The following MYH14 variants were observed in gnomAD, a reference collection of about 807,000 sequenced individuals.
MYH14 encodes myosin heavy chain 14.
MYH14 carries 123 observed loss-of-function variants against 255.5 expected under a neutral mutation model. That is an observed-to-expected ratio of 0.48 (90% CI 0.42 to 0.56). The LOEUF (loss-of-function observed/expected upper bound fraction) is 0.56, where lower values mean the gene tolerates loss of function less well. Among genes scored for constraint, MYH14 ranks in the 20% least tolerant of loss-of-function variants. The pLI is 0.00. For missense variants in MYH14, 2,423 were observed against 2,802.3 expected (o/e 0.86, Z 3.06); for synonymous variants, 1,095 against 1,161.2 (o/e 0.94, Z 1.16).
At chr19:50,256,354 G>A (rs1430844355) in intron 17 of MYH14, among the ~76,000 whole-genome samples, 3 of 152,114 alleles carry the variant, frequency 2.0e-5, no homozygotes, top group East Asian at 1.9e-4. Flanking sequence ...AAGCAGCACC[G>A]CCAAGCGGCA....
Position 50,272,575 on chromosome 19 carries a change from A to G in MYH14, c.3311A>G (p.Glu1104Gly), listed in dbSNP as rs1283494849. 3.2e-6 allele frequency: 5 copies of G among 1,575,768 alleles called. No individual in the cohort carries two copies. The highest frequency in any genetic ancestry group is 2.3e-5 in the South Asian group (2 of 85,634). ...CTGCCTCCAGACCGCCTACGGAAGG[A>G]GGAGAAGGGTCGCCAGGAGCTGGAG... ...IADMEDRLRK[E>G]EKGRQELEKL... Residue 1104 changes from glutamate to glycine, a missense_variant, in exon 27 of 43, where the codon GAG becomes GGG. By Grantham distance (98) the Glu-to-Gly change is moderately conservative. Transcript: ENST00000642316.
At chr19:50,210,794 C>A (rs368377031) in intron 2 of MYH14, 24 bp downstream of exon 2, 1 of 1,541,698 alleles carries the variant, frequency 6.5e-7, no homozygotes, top group African/African-American at 1.4e-5. Context: ...TGCTGGGGGG[C>A]GCGTGCGGCG....
intron 33 of MYH14, 63 bp downstream of exon 33, chr19:50,281,905 T>A: frequency 5.2e-6 from 8 of 1,549,194 alleles, no homozygotes; most frequent in Middle Eastern, 3.4e-4. Context: ...CCCATGGTCG[T>A]TGTGAGGAAC....
chr19:50,261,630 T>A lies in MYH14; in HGVS notation c.2580T>A (p.Ala860=), dbSNP rs1431625201. The A allele has an allele frequency of 2.5e-6, 4 of 1,595,198 alleles. No individual in the cohort carries two copies. The Admixed American group carries it at 6.8e-5, about 27-fold the overall frequency. Residue 860 remains alanine, a synonymous_variant, in exon 21 of 43, where the codon GCT becomes GCA. Transcript: ENST00000642316. ...SFQAAARGYL[A]RRAFQKRQQQ... ...AGGCAGCTGCCCGGGGATACCTGGC[T>A]CGCAGGTGGGCAGCCACGCTGTCTC...
At chr19:50,305,162 G>A (rs79687334) in intron 40 of MYH14, among the ~76,000 whole-genome samples, 1,800 of 152,082 alleles carry the variant, frequency 0.012, 41 homozygotes, top group African/African-American at 0.041. Flanking sequence ...GATCTCTCTG[G>A]GGCTAAGGTG....
intron 24 of MYH14, among the ~76,000 whole-genome samples, chr19:50,271,028 C>G (rs2035280536): frequency 1.3e-5 from 2 of 152,244 alleles, no homozygotes; most frequent in South Asian, 2.1e-4. Context: ...ATCTGTACCC[C>G]TAACCCCCAC....
At chr19:50,287,806 A>G (rs1391564628) in intron 34 of MYH14, among the ~76,000 whole-genome samples, 1 of 152,012 alleles carries the variant, frequency 6.6e-6, no homozygotes, top group South Asian at 2.1e-4. Flanking sequence ...ATGCTCAGAG[A>G]GAGAACACGA....
chr19:50,259,118 C>G, intron 18 of MYH14, 26 bp from the exon 19 acceptor site: 3 of 1,539,286 alleles, frequency 1.9e-6, no homozygotes, highest in Non-Finnish European at 2.6e-6. Flanking sequence ...GCCGCTGACC[C>G]CCGCGTGTCC....
chr19:50,263,913 T>C (rs1249284151), intron 22 of MYH14, among the ~76,000 whole-genome samples: 1 of 151,716 alleles, frequency 6.6e-6, no homozygotes, highest in African/African-American at 2.4e-5. Context: ...AAAAATTAGC[T>C]GGGCATGGTG....
In MYH14 at chr19:50,259,174, G is replaced by A; in HGVS notation, c.2263G>A (p.Asp755Asn). The change falls in exon 19 of 43, where the codon GAC (aspartate) becomes AAC (asparagine). Residue 755 changes from aspartate to asparagine, a missense_variant. By Grantham distance (23) the Asp-to-Asn change is conservative. Transcript: ENST00000642316. The stretch of plus-strand genomic sequence containing the variant: ...GAAGCTGGAGCCACGGCTGGTGCTG[G>A]ACCAGCTTCGCTGCAACGGGGTCCT... ...AGKLEPRLVL[D>N]QLRCNGVLEG... 6.4e-7 allele frequency: 1 copy of A among 1,564,118 alleles called. No homozygotes were observed. Among genetic ancestry groups the A allele is most frequent in the Non-Finnish European group, 8.7e-7 (1 of 1,154,214 alleles).
rs371789450 is a variant in MYH14, at chr19:50,283,059, C to T, written c.4539+1217C>T. On this transcript the variant is annotated intron_variant, in intron 33 of 42. Transcript: ENST00000642316. ...GAAGCTTTATTATTTTTGGCATCTT[C>T]TGGAATTTTATATAAATTATTTTCA... 2.0e-4 allele frequency among the ~76,000 whole-genome samples: 31 copies of T among 152,060 alleles called. 1 individual carries two copies. In the South Asian group the frequency reaches 4.4e-3, roughly 21 times the overall value.
At chr19:50,236,034 T>TAA (rs34909309) in intron 10 of MYH14, among the ~76,000 whole-genome samples, 52,014 of 149,732 alleles carry the variant, frequency 0.35, 9,111 homozygotes, top group South Asian at 0.45. Flanking sequence ...TTGGAACAAT[T>TAA]AAAAAAAAAA....
rs770759400 is a variant in MYH14, at chr19:50,210,762, C to G, written c.397C>G (p.Leu133Val). ...CCTCCGGGAGCGGTACTACTCCGGCCTCATCTACGTGAGTGGGCTCCTGCT... is the reference window on the plus strand; with the variant it reads ...CCTCCGGGAGCGGTACTACTCCGGCGTCATCTACGTGAGTGGGCTCCTGCT... Reference protein sequence around the residue: ...HNLRERYYSGLIYTYSGLFCV... With the variant: ...HNLRERYYSGVIYTYSGLFCV... The change falls in exon 2 of 43, where the codon CTC (leucine) becomes GTC (valine). Residue 133 changes from leucine (L) to valine (V), a missense_variant. Leu to Val is a conservative substitution (Grantham distance 32). Around this residue, in one of 3 missense-constraint regions of MYH14, gnomAD observed 238 missense variants for 245.8 expected, o/e 0.97. Transcript: ENST00000642316. The G allele has an allele frequency of 5.7e-6, 9 of 1,572,190 alleles. No individual in the cohort carries two copies. Among genetic ancestry groups the G allele is most frequent in the Admixed American group, 1.9e-5 (1 of 53,474 alleles).
chr19:50,272,441 G>A (rs2035337335), intron 26 of MYH14, 119 bp from the exon 27 acceptor site: 2 of 1,027,756 alleles, frequency 1.9e-6, no homozygotes, highest in Non-Finnish European at 3.0e-6. Context: ...AGGAGGAGAA[G>A]GCGTTAAGGG....
chr19:50,239,080 C>T (rs147650863), intron 10 of MYH14, among the ~76,000 whole-genome samples: 8 of 152,168 alleles, frequency 5.3e-5, no homozygotes, highest in South Asian at 4.1e-4. Flanking sequence ...AGTACAGTGG[C>T]GCGATCTCAG....
chr19:50,267,623 A>AAAAAAAAAAAATAATAATAATAAT (rs138463829), intron 23 of MYH14, among the ~76,000 whole-genome samples: 2 of 149,146 alleles, frequency 1.3e-5, no homozygotes, highest in Non-Finnish European at 3.0e-5. Context: ...TCTGTCTCAA[A>AAAAAAAAAAAATAATAATAATAAT]AATAATAATA....
At chr19:50,291,915 G>A (rs2036088556) in intron 36 of MYH14, among the ~76,000 whole-genome samples, 1 of 152,158 alleles carries the variant, frequency 6.6e-6, no homozygotes. Flanking sequence ...GCAAACTGAG[G>A]CTCAGAGAGG....
chr19:50,210,525 C>A lies in MYH14; in HGVS notation c.160C>A (p.Arg54Ser). ...CCCGCAGGTGGAGTGGACGGCCCGG[C>A]GTCTCGTGTGGGTGCCTTCGGAGCT... Reference protein sequence around the residue: ...TSPQVEWTARRLVWVPSELHG... With the variant: ...TSPQVEWTARSLVWVPSELHG... Residue 54 changes from arginine to serine, a missense_variant, in exon 2 of 43, where the codon CGT becomes AGT. Physicochemically the swap from Arg to Ser is moderately radical, Grantham distance 110. Around this residue, in one of 3 missense-constraint regions of MYH14, gnomAD observed 238 missense variants for 245.8 expected, o/e 0.97. Transcript: ENST00000642316. 2 of 1,575,446 alleles carry A rather than the reference C, an allele frequency of 1.3e-6. No homozygotes were observed. The highest frequency in any genetic ancestry group is 1.9e-5 in the Admixed American group (1 of 54,042).
At chr19:50,248,613 T>G (rs1600935046) in intron 12 of MYH14, among the ~76,000 whole-genome samples, 2 of 152,120 alleles carry the variant, frequency 1.3e-5, no homozygotes, top group Non-Finnish European at 2.9e-5. Context: ...AGGAGAAAAC[T>G]GAGGCACAGA....
Sources: allele counts gnomAD v4.1 joint callset (sites outside exome capture counted in the v4.1 genomes callset), GRCh38; gene constraint gnomAD v4.1.1; regional missense constraint gnomAD v4.1.1; transcripts MANE v1.5; gene names NCBI Gene and HGNC (gene_info 2026-07-23, HGNC 2026-07-21).